KLHL28: variants seen among roughly 807,000 people sequenced by gnomAD.
KLHL28 encodes kelch-like protein 28.
A neutral mutation model predicts 48.3 loss-of-function variants in KLHL28; 22 were observed. The ratio of observed to expected loss-of-function variants is 0.46; its 90% CI spans 0.33 to 0.65. KLHL28 has a LOEUF of 0.65. Ranked by LOEUF, KLHL28 falls within the 30% of genes least tolerant of loss-of-function variation. The pLI, the probability that KLHL28 is intolerant of heterozygous loss-of-function variation, is 0.03. For missense variants in KLHL28, 527 were observed against 704.3 expected, an observed-to-expected ratio of 0.75 and a Z score of 2.85; for synonymous variants, 243 against 242.4, an observed-to-expected ratio of 1.00 and a Z score of -0.02.
chr14:44,930,920 C>A (rs1410870757), intron 4 of KLHL28, among the ~76,000 whole-genome samples: 1 of 152,092 alleles, frequency 6.6e-6, no homozygotes, highest in East Asian at 1.9e-4. Context: ...CAACTATACC[C>A]CCTGGGGAAG....
At chr14:44,936,265 T>C (rs1363146430) in intron 2 of KLHL28, among the ~76,000 whole-genome samples, 1 of 152,086 alleles carries the variant, frequency 6.6e-6, no homozygotes, top group Non-Finnish European at 1.5e-5. Context: ...GGGGATTAAT[T>C]TAACCTGGAA....
chr14:44,939,630 T>A (rs1000656741), intron 2 of KLHL28, among the ~76,000 whole-genome samples: 1 of 152,194 alleles, frequency 6.6e-6, no homozygotes, highest in Non-Finnish European at 1.5e-5. Flanking sequence ...TCTTTGCTAA[T>A]ATATAGCAAG....
intron 1 of KLHL28, chr14:44,961,156 T>C (rs780191392): frequency 1.4e-5 from 5 of 370,224 alleles, no homozygotes; most frequent in Non-Finnish European, 2.5e-5. Context: ...CTATCATTCC[T>C]AAATCCACAA....
rs376951460 is a variant in KLHL28 at position 44,929,479 on chromosome 14, GTTCTA to G, written c.1553-293_1553-289del. 6.5e-4 allele frequency among the ~76,000 whole-genome samples: 99 copies of G among 152,178 alleles called. 1 individual carries two copies. In the East Asian group the frequency reaches 0.017, roughly 25 times the overall value. On this transcript the variant is annotated intron_variant, in intron 4 of 4. Transcript: ENST00000396128. ...TTTATTACAATATATTGTTACAATT[GTTCTA>G]TTCTATTATTGTTGTTGCTAATCTC...
rs573113528 is a variant in KLHL28, at chr14:44,949,129, T to C, written c.1-3201A>G. On this transcript the variant is annotated intron_variant, in intron 1 of 4. Coordinates refer to ENST00000396128, the MANE Select transcript of KLHL28 (RefSeq NM_017658.5). Reference sequence around the variant, plus strand: ...TTAAAAGAGCCTGCAAATGAGATTATTGAATCATTACCAGTGCCACAGGAC... The same window carrying C: ...TTAAAAGAGCCTGCAAATGAGATTACTGAATCATTACCAGTGCCACAGGAC... 1.6e-4 allele frequency among the ~76,000 whole-genome samples: 25 copies of C among 152,236 alleles called. No homozygotes were observed. The South Asian group carries it at 3.5e-3, about 21-fold the overall frequency.
intron 2 of KLHL28, among the ~76,000 whole-genome samples, chr14:44,940,412 T>A (rs536814672): frequency 6.6e-6 from 1 of 152,242 alleles, no homozygotes; most frequent in Non-Finnish European, 1.5e-5. Context: ...AGATGAGTGA[T>A]GTGGCTGAAT....
intron 2 of KLHL28, among the ~76,000 whole-genome samples, chr14:44,938,403 G>A (rs965223750): frequency 3.3e-5 from 5 of 151,486 alleles, no homozygotes; most frequent in Non-Finnish European, 4.4e-5. Context: ...ACTGAGTCTC[G>A]CTCTATCGCC....
intron 3 of KLHL28, 81 bp downstream of exon 3, chr14:44,934,034 T>C: frequency 2.7e-6 from 3 of 1,129,288 alleles, no homozygotes; most frequent in Non-Finnish European, 3.8e-6. Flanking sequence ...TACACACAAA[T>C]TGTTTAAAAC....
At chr14:44,954,715 G>C (rs1884724081) in intron 1 of KLHL28, among the ~76,000 whole-genome samples, 1 of 152,102 alleles carries the variant, frequency 6.6e-6, no homozygotes, top group Non-Finnish European at 1.5e-5. Context: ...AAAAACTAGA[G>C]GATAGAGATA....
intron 2 of KLHL28, among the ~76,000 whole-genome samples, chr14:44,939,181 A>G (rs10147547): frequency 0.051 from 7,734 of 152,230 alleles, 657 homozygotes; most frequent in African/African-American, 0.18. Flanking sequence ...TGTGGAGAGC[A>G]GACTCCCAAG....
At chr14:44,951,042 A>C (rs1364437156) in intron 1 of KLHL28, among the ~76,000 whole-genome samples, 1 of 152,246 alleles carries the variant, frequency 6.6e-6, no homozygotes, top group Non-Finnish European at 1.5e-5. Context: ...AGATTAGCCA[A>C]AGAGTAAACT....
chr14:44,935,137 T>C (rs899447825), intron 2 of KLHL28, among the ~76,000 whole-genome samples: 2 of 152,178 alleles, frequency 1.3e-5, no homozygotes, highest in African/African-American at 4.8e-5. Flanking sequence ...GAATACTACA[T>C]GGCAATGAAA....
At position 44,926,816 on chromosome 14, in the gene KLHL28, T is replaced by C. The variant is rs1030219517; in HGVS notation, c.*2212A>G. On this transcript the variant is annotated 3_prime_UTR_variant, in exon 5 of 5. Coordinates refer to ENST00000396128, the MANE Select transcript of KLHL28 (RefSeq NM_017658.5). The stretch of plus-strand genomic sequence containing the variant: ...AGCCACTGCGCCCGTCCTAAAATCA[T>C]TTTCCACAGTCTTTCAAATTCCCTT... 1 of 152,188 alleles carries C rather than the reference T, an allele frequency of 6.6e-6. No individual in the cohort carries two copies. Among genetic ancestry groups the C allele is most frequent in the Admixed American group, 6.5e-5 (1 of 15,268 alleles). 9.4% of individuals were successfully genotyped at this position (152,188 alleles called of 1,614,324 possible). A position where few individuals can be genotyped will look rare whatever the true frequency, so the allele number is the denominator to read the frequency against.
rs2138570210 is a variant in KLHL28, at chr14:44,926,822, A to T, written c.*2206T>A. On this transcript the variant is annotated 3_prime_UTR_variant, in exon 5 of 5. Transcript: ENST00000396128. ...TGCGCCCGTCCTAAAATCATTTTCCACAGTCTTTCAAATTCCCTTATCTTT... is the reference window on the plus strand; with the variant it reads ...TGCGCCCGTCCTAAAATCATTTTCCTCAGTCTTTCAAATTCCCTTATCTTT... 1 of 152,258 alleles carries T rather than the reference A, an allele frequency of 6.6e-6. No homozygotes were observed. The highest frequency in any genetic ancestry group is 1.9e-4 in the East Asian group (1 of 5,180). 9.4% of individuals were successfully genotyped at this position (152,258 alleles called of 1,614,324 possible). A position where few individuals can be genotyped will look rare whatever the true frequency, so the allele number is the denominator to read the frequency against.
At position 44,960,985 on chromosome 14, in the gene KLHL28, T is replaced by C. The variant is rs115671681; in HGVS notation, c.-1+861A>G. 1.4e-3 allele frequency: 1,480 copies of C among 1,079,356 alleles called. 13 individuals carry two copies. In the African/African-American group the frequency reaches 0.017, roughly 13 times the overall value. 66.9% of individuals were successfully genotyped at this position (1,079,356 alleles called of 1,614,324 possible). ...TTTCGCACGAGTCATTCAAAAGTAA[T>C]AGTATTATTCCTTCAAAAAAAAAAA... On this transcript the variant is annotated intron_variant, in intron 1 of 4. Transcript: ENST00000396128.
intron 2 of KLHL28, among the ~76,000 whole-genome samples, chr14:44,944,668 A>G (rs1436098624): frequency 3.3e-5 from 5 of 152,128 alleles, no homozygotes; most frequent in Admixed American, 2.6e-4. Flanking sequence ...CTTCTTTGCT[A>G]TCTTCTGATA....
intron 2 of KLHL28, among the ~76,000 whole-genome samples, chr14:44,943,966 T>C (rs114630737): frequency 0.018 from 2,769 of 152,246 alleles, 28 homozygotes; most frequent in African/African-American, 0.037. Flanking sequence ...CCTCCTGTGT[T>C]GGCCTCCCAA....
At chr14:44,946,954 G>A (rs1884364543) in intron 1 of KLHL28, among the ~76,000 whole-genome samples, 1 of 152,250 alleles carries the variant, frequency 6.6e-6, no homozygotes. Context: ...GGGAAGAAAA[G>A]GGATGAGAAA....
At chr14:44,934,060 A>G in intron 3 of KLHL28, 55 bp downstream of exon 3, 3 of 1,378,610 alleles carry the variant, frequency 2.2e-6, no homozygotes, top group South Asian at 2.8e-5. Flanking sequence ...AATCATTGCT[A>G]ATGAGACTTT....
Sources: allele counts gnomAD v4.1 joint callset (sites outside exome capture counted in the v4.1 genomes callset), GRCh38; gene constraint gnomAD v4.1.1; transcripts MANE v1.5; gene names NCBI Gene and HGNC (gene_info 2026-07-23, HGNC 2026-07-21).